The following FAF2 variants were observed in gnomAD, a reference collection of about 807,000 sequenced individuals.
FAF2 encodes Fas associated factor family member 2, also known as FAS-associated factor 2.
In FAF2, 9 loss-of-function variants were observed where a neutral mutation model predicts 62.3. That is an observed-to-expected ratio of 0.14 (90% CI 0.09 to 0.25). The LOEUF is 0.25. Ranked by LOEUF, FAF2 falls within the 10% of genes least tolerant of loss-of-function variation. FAF2 has a pLI of 1.00. For synonymous variants in FAF2, 202 were observed against 198.0 expected (o/e 1.02, Z -0.17); for missense variants, 368 against 556.2 (o/e 0.66, Z 3.40).
At chr5:176,449,916 G>A (rs1758134939) in intron 1 of FAF2, among the ~76,000 whole-genome samples, 1 of 152,154 alleles carries the variant, frequency 6.6e-6, no homozygotes, top group African/African-American at 2.4e-5. Flanking sequence ...ATTTACAGAT[G>A]AAGGGTATCA....
In FAF2 at chr5:176,489,124, C is replaced by G; in HGVS notation, c.344+97C>G. The stretch of plus-strand genomic sequence containing the variant: ...TTTATGCTCTATCAATGTTGACTTA[C>G]CAATTTGTCATGAGATGGAATACAC... On this transcript the variant is annotated intron_variant, in intron 4 of 10. Coordinates refer to ENST00000261942, the MANE Select transcript of FAF2 (RefSeq NM_014613.3). The G allele has an allele frequency of 1.8e-5, 15 of 818,096 alleles. No homozygotes were observed. In the South Asian group the frequency reaches 2.5e-4, roughly 14 times the overall value. 50.7% of individuals were successfully genotyped at this position (818,096 alleles called of 1,614,324 possible).
At position 176,506,887 on chromosome 5, in the gene FAF2, G is replaced by A. The variant is rs746716154; in HGVS notation, c.1275G>A (p.Thr425=). 15 of 1,612,654 alleles carry A rather than the reference G, an allele frequency of 9.3e-6. No individual in the cohort carries two copies. Among genetic ancestry groups the A allele is most frequent in the South Asian group, 3.3e-5 (3 of 90,932 alleles). ...CAGAGGAGTGGCCCAATCCCCCTAC[G>A]CTACAGGAGGCCGGACTCAGCCACA... ...IPSEEWPNPP[T]LQEAGLSHTE... Residue 425 remains threonine (T), a synonymous_variant, in exon 11 of 11, where the codon ACG becomes ACA. Transcript: ENST00000261942.
chr5:176,449,076 G>C (rs1450372399), intron 1 of FAF2, among the ~76,000 whole-genome samples: 1 of 152,164 alleles, frequency 6.6e-6, no homozygotes, highest in Non-Finnish European at 1.5e-5. Flanking sequence ...ATTACTTTTG[G>C]CTTATTCCTG....
At chr5:176,472,520 T>C (rs998013276) in intron 1 of FAF2, among the ~76,000 whole-genome samples, 1 of 152,002 alleles carries the variant, frequency 6.6e-6, no homozygotes, top group African/African-American at 2.4e-5. Context: ...TGGGCCCAAG[T>C]GATCCTCTTA....
At chr5:176,479,974 C>T (rs531526666) in intron 2 of FAF2, among the ~76,000 whole-genome samples, 23 of 152,254 alleles carry the variant, frequency 1.5e-4, no homozygotes, top group South Asian at 4.2e-4. Flanking sequence ...GGATTACAGG[C>T]GTGAGCCACC....
chr5:176,479,368 T>C, intron 2 of FAF2, 112 bp downstream of exon 2: 1 of 847,964 alleles, frequency 1.2e-6, no homozygotes, highest in Non-Finnish European at 1.9e-6. Flanking sequence ...TTCAGAATTA[T>C]GACTCTAAAA....
At chr5:176,456,263 G>A (rs544684087) in intron 1 of FAF2, among the ~76,000 whole-genome samples, 61 of 152,224 alleles carry the variant, frequency 4.0e-4, no homozygotes, top group African/African-American at 1.4e-3. Context: ...GTAGAGATGG[G>A]GTTTTGCCAT....
intron 4 of FAF2, among the ~76,000 whole-genome samples, chr5:176,490,305 C>G (rs150069831): frequency 1.5e-5 from 2 of 136,538 alleles, no homozygotes; most frequent in Non-Finnish European, 3.2e-5. Context: ...AGTGGGACTC[C>G]GTCTCAAAAA....
chr5:176,477,354 T>C (rs947283171), intron 1 of FAF2, among the ~76,000 whole-genome samples: 9 of 151,480 alleles, frequency 5.9e-5, no homozygotes, highest in Non-Finnish European at 1.0e-4. Flanking sequence ...CCCAAAGTGC[T>C]GGGATTACAG....
At chr5:176,503,555 C>CAA (rs5873537) in intron 10 of FAF2, among the ~76,000 whole-genome samples, 24 of 133,414 alleles carry the variant, frequency 1.8e-4, no homozygotes, top group Admixed American at 1.7e-3. Context: ...AATTCTGTCT[C>CAA]AAAAAAAAAA....
chr5:176,494,227 A>G lies in FAF2; in HGVS notation c.613A>G (p.Arg205Gly), dbSNP rs1487796944. 6.2e-7 allele frequency: 1 copy of G among 1,614,070 alleles called. No homozygotes were observed. Among genetic ancestry groups the G allele is most frequent in the East Asian group, 2.2e-5 (1 of 44,874 alleles). The change falls in exon 7 of 11, where the codon AGG (arginine) becomes GGG (glycine). Residue 205 changes from arginine to glycine, a missense_variant. Physicochemically the swap from Arg to Gly is moderately radical, Grantham distance 125 (BLOSUM62 -2). Around this residue, in one of 2 missense-constraint regions of FAF2, gnomAD observed 331 missense variants for 441.9 expected, o/e 0.75. Transcript: ENST00000261942. The surrounding 1 kb of genome is among the most constrained non-coding windows in gnomAD (Gnocchi z 4.0). ...TGAAGTTATTTCACTAATAAACACTAGGATGCTCTTCTGGGCATGCTCTAC... is the reference window on the plus strand; with the variant it reads ...TGAAGTTATTTCACTAATAAACACTGGGATGCTCTTCTGGGCATGCTCTAC... ...APEVISLINTRMLFWACSTNK... is the reference protein window; with the variant it reads ...APEVISLINTGMLFWACSTNK...
In FAF2 at chr5:176,506,883, C is replaced by T; in HGVS notation, c.1271C>T (p.Pro424Leu). Residue 424 changes from proline (P) to leucine (L), a missense_variant, in exon 11 of 11, where the codon CCT becomes CTT. Pro to Leu is a moderately conservative substitution (Grantham distance 98, BLOSUM62 -3). This residue lies in a region of FAF2 where 37 missense variants were observed against 114.3 expected (regional missense o/e 0.32). Transcript: ENST00000261942. ...CCTTCAGAGGAGTGGCCCAATCCCCCTACGCTACAGGAGGCCGGACTCAGC... is the reference window on the plus strand; with the variant it reads ...CCTTCAGAGGAGTGGCCCAATCCCCTTACGCTACAGGAGGCCGGACTCAGC... ...CIPSEEWPNP[P>L]TLQEAGLSHT... The T allele has an allele frequency of 6.2e-7, 1 of 1,613,598 alleles. No individual in the cohort carries two copies. Among genetic ancestry groups the T allele is most frequent in the Non-Finnish European group, 8.5e-7 (1 of 1,179,718 alleles).
At chr5:176,453,997 A>C in intron 1 of FAF2, among the ~76,000 whole-genome samples, 1 of 151,884 alleles carries the variant, frequency 6.6e-6, no homozygotes, top group African/African-American at 2.4e-5. Flanking sequence ...CGAAGGTTGC[A>C]GTGATCCGAG....
chr5:176,499,197 G>T (rs1276321070), intron 9 of FAF2, 112 bp downstream of exon 9: 6 of 759,590 alleles, frequency 7.9e-6, no homozygotes, highest in African/African-American at 1.9e-5. Context: ...GACTAAGAGG[G>T]AAAAAAAAAA....
chr5:176,498,515 G>T (rs1420642072), intron 8 of FAF2, among the ~76,000 whole-genome samples: 1 of 152,162 alleles, frequency 6.6e-6, no homozygotes, highest in African/African-American at 2.4e-5. Flanking sequence ...CTGCTACAAT[G>T]TGTGTATGGA....
intron 1 of FAF2, among the ~76,000 whole-genome samples, chr5:176,450,820 C>T (rs1008287543): frequency 1.3e-5 from 2 of 152,082 alleles, no homozygotes; most frequent in East Asian, 1.9e-4. Context: ...GGATTACAGG[C>T]GTGAGCCGCC....
At chr5:176,480,898 G>C (rs899390021) in intron 2 of FAF2, among the ~76,000 whole-genome samples, 4 of 151,902 alleles carry the variant, frequency 2.6e-5, no homozygotes, top group African/African-American at 9.7e-5. Flanking sequence ...CATGGCATGT[G>C]TATACCTATG....
chr5:176,477,817 G>T (rs1319654365), intron 1 of FAF2, among the ~76,000 whole-genome samples: 1 of 152,156 alleles, frequency 6.6e-6, no homozygotes, highest in African/African-American at 2.4e-5. Flanking sequence ...CCTGTCCGTG[G>T]CCATGGGGTG....
intron 10 of FAF2, among the ~76,000 whole-genome samples, chr5:176,504,448 G>T (rs1220668228): frequency 6.6e-6 from 1 of 152,140 alleles, no homozygotes; most frequent in East Asian, 1.9e-4. Context: ...GCTGGGCATG[G>T]TGGTGCGCGC....
Sources: allele counts gnomAD v4.1 joint callset (sites outside exome capture counted in the v4.1 genomes callset), GRCh38; gene constraint gnomAD v4.1.1; regional missense constraint gnomAD v4.1.1; non-coding constraint Gnocchi (gnomAD v3.1); transcripts MANE v1.5; gene names NCBI Gene and HGNC (gene_info 2026-07-23, HGNC 2026-07-21).